Variants in SEH1L observed in about 807,000 individuals in gnomAD.
SEH1L encodes the protein SEH1 like nucleoporin.
Under a neutral mutation model 49.5 loss-of-function variants are expected in SEH1L, and 18 were observed. The observed-to-expected ratio is 0.36, with a 90% CI of 0.25 to 0.54. SEH1L has a LOEUF of 0.54. Among genes scored for constraint, SEH1L ranks in the 20% least tolerant of loss-of-function variants. The pLI is 0.87. For missense variants in SEH1L, 404 were observed against 528.8 expected, an observed-to-expected ratio of 0.76 and a Z score of 2.31; for synonymous variants, 169 against 178.1, an observed-to-expected ratio of 0.95 and a Z score of 0.41.
intron 1 of SEH1L, among the ~76,000 whole-genome samples, chr18:12,949,447 T>G (rs1421066814): frequency 9.0e-6 from 1 of 111,700 alleles, no homozygotes; most frequent in African/African-American, 3.4e-5. Flanking sequence ...TAACCGTTTT[T>G]TTTTTTTTTT....
At chr18:12,975,611 G>C (rs2031887123) in intron 5 of SEH1L, 2 of 644,290 alleles carry the variant, frequency 3.1e-6, no homozygotes, top group African/African-American at 4.0e-5. Flanking sequence ...GACAGGGGAG[G>C]GGCAGGCCAA....
Position 12,987,276 on chromosome 18 carries a change from G to A in SEH1L, c.*219G>A, listed in dbSNP as rs1446194872. The A allele has an allele frequency of 5.2e-6, 2 of 382,654 alleles. No homozygotes were observed. The highest frequency in any genetic ancestry group is 8.6e-5 in the Admixed American group (2 of 23,246). The allele number at this position is 382,654 out of a possible 1,614,324, so 23.7% of individuals were successfully genotyped here. A position where few individuals can be genotyped will look rare whatever the true frequency, so the allele number is the denominator to read the frequency against. On this transcript the variant is annotated 3_prime_UTR_variant, in exon 9 of 9. Coordinates refer to ENST00000399892, the MANE Select transcript of SEH1L (RefSeq NM_001013437.2). ...TGGGTGATAACCTTTGATGAAATGA[G>A]ATATGTCCAAGTAACGTTAACTGTG...
intron 5 of SEH1L, among the ~76,000 whole-genome samples, chr18:12,975,417 AT>A (rs1401380255): frequency 1.3e-5 from 2 of 152,000 alleles, no homozygotes; most frequent in African/African-American, 4.8e-5. Context: ...TAGGATATGG[AT>A]GAGGATGGTC....
chr18:12,954,765 G>C (rs1568210655), intron 2 of SEH1L, among the ~76,000 whole-genome samples: 1 of 149,412 alleles, frequency 6.7e-6, no homozygotes, highest in Non-Finnish European at 1.5e-5. Context: ...ACTATGCCTG[G>C]TTGAATCAAA....
intron 5 of SEH1L, chr18:12,973,291 C>A (rs2031778350): frequency 6.7e-6 from 1 of 149,842 alleles, no homozygotes; most frequent in African/African-American, 2.5e-5. Flanking sequence ...AAAATACAGG[C>A]AAATAGAAAT....
chr18:12,982,805 G>T, intron 7 of SEH1L, 130 bp downstream of exon 7: 1 of 698,202 alleles, frequency 1.4e-6, no homozygotes. Flanking sequence ...ATTAATTTAT[G>T]TTATTTTGAA....
chr18:12,975,558 C>T (rs535944498), intron 5 of SEH1L, among the ~76,000 whole-genome samples: 3 of 151,208 alleles, frequency 2.0e-5, no homozygotes, highest in Non-Finnish European at 2.9e-5. Flanking sequence ...AAGACAAGGG[C>T]GTGGGGTCGA....
chr18:12,949,034 A>G (rs9964329), intron 1 of SEH1L, among the ~76,000 whole-genome samples: 15,581 of 143,262 alleles, frequency 0.11, 2,493 homozygotes, highest in African/African-American at 0.36. Context: ...TTTTTTTTGT[A>G]TTTTTTAGTA....
chr18:12,950,270 A>G (rs935584125), intron 1 of SEH1L, among the ~76,000 whole-genome samples: 3 of 152,096 alleles, frequency 2.0e-5, no homozygotes, highest in Non-Finnish European at 4.4e-5. Flanking sequence ...TCCTGAGCTC[A>G]AGTGATCCTC....
intron 1 of SEH1L, among the ~76,000 whole-genome samples, chr18:12,949,118 C>T (rs2030330094): frequency 1.3e-5 from 2 of 151,818 alleles, no homozygotes; most frequent in South Asian, 2.1e-4. Flanking sequence ...CTCGGCGCCT[C>T]GGCCTCCCAA....
At chr18:12,964,236 A>C (rs2031329125) in intron 4 of SEH1L, among the ~76,000 whole-genome samples, 2 of 152,234 alleles carry the variant, frequency 1.3e-5, no homozygotes, top group Non-Finnish European at 2.9e-5. Context: ...ATCCATAAGA[A>C]TACAAAAAGA....
chr18:12,975,906 C>G (rs927565697), intron 5 of SEH1L: 22 of 982,768 alleles, frequency 2.2e-5, no homozygotes, highest in Admixed American at 6.2e-5. Flanking sequence ...TCTGACCTAG[C>G]TGATGGTAGT....
In SEH1L at chr18:12,955,492, A is replaced by G. The variant is rs753754691; in HGVS notation, c.192A>G (p.Thr64=). 1 of 1,613,474 alleles carries G rather than the reference A, an allele frequency of 6.2e-7. No individual in the cohort carries two copies. The highest frequency in any genetic ancestry group is 1.7e-5 in the Admixed American group (1 of 59,934). Residue 64 remains threonine, a synonymous_variant, in exon 3 of 9, where the codon ACA becomes ACG. Coordinates refer to ENST00000399892, the MANE Select transcript of SEH1L (RefSeq NM_001013437.2). ...ATAGTGGATCTGTATGGCGTGTGAC[A>G]TGGGCCCATCCTGAATTTGGGCAGG... ...KTHSGSVWRV[T]WAHPEFGQVL... is the part of the protein sequence containing the mutation.
chr18:12,953,257 G>T (rs998907847), intron 2 of SEH1L, among the ~76,000 whole-genome samples: 1 of 152,166 alleles, frequency 6.6e-6, no homozygotes, highest in Non-Finnish European at 1.5e-5. Context: ...TTGTTTGTCT[G>T]TTCACCAGTT....
chr18:12,957,989 G>A (rs148440474), intron 3 of SEH1L, among the ~76,000 whole-genome samples: 23 of 150,702 alleles, frequency 1.5e-4, no homozygotes, highest in African/African-American at 4.6e-4. Flanking sequence ...GATTATAGGC[G>A]TGAGCCACTA....
At chr18:12,985,818 G>T in intron 8 of SEH1L, 1 of 934,518 alleles carries the variant, frequency 1.1e-6, no homozygotes, top group Non-Finnish European at 1.3e-6. Context: ...AAAAATATTA[G>T]TAAAGGAGTG....
intron 5 of SEH1L, chr18:12,974,180 T>C (rs2031817405): frequency 6.6e-6 from 1 of 152,280 alleles, no homozygotes. Context: ...TTGCTGGTTC[T>C]TTGAGGTAAG....
intron 6 of SEH1L, among the ~76,000 whole-genome samples, chr18:12,979,441 A>G (rs1195658977): frequency 1.3e-5 from 2 of 150,688 alleles, no homozygotes; most frequent in African/African-American, 4.9e-5. Context: ...AGTATAGAAC[A>G]AAATGAAAAG....
chr18:12,955,978 A>G (rs766569619), intron 3 of SEH1L, among the ~76,000 whole-genome samples: 8 of 151,170 alleles, frequency 5.3e-5, no homozygotes, highest in Non-Finnish European at 8.8e-5. Context: ...GATTATAGGC[A>G]TGAGCCACTG....
Sources: gnomAD v4.1 joint callset for allele counts (sites outside exome capture counted in the v4.1 genomes callset) on GRCh38, gnomAD v4.1.1 for gene constraint, MANE v1.5 for transcripts, NCBI Gene and HGNC (gene_info 2026-07-23, HGNC 2026-07-21) for gene names.